The following TECTA variants were observed in gnomAD, a reference collection of about 807,000 sequenced individuals.
The protein encoded by TECTA is tectorin alpha.
TECTA carries 128 observed loss-of-function variants against 216.8 expected under a neutral mutation model. The ratio of observed to expected loss-of-function variants is 0.59; its 90% confidence interval spans 0.51 to 0.68. The LOEUF (loss-of-function observed/expected upper bound fraction) is 0.68, where lower values mean the gene tolerates loss of function less well. TECTA is among the 30% of genes least tolerant of loss of function. The pLI, the probability that TECTA is intolerant of heterozygous loss-of-function variation, is 0.00. For missense variants in TECTA, 2,551 were observed against 2,786.2 expected, an observed-to-expected ratio of 0.92 and a Z score of 1.90; for synonymous variants, 1,089 against 1,117.1, an observed-to-expected ratio of 0.97 and a Z score of 0.50.
At chr11:121,190,560 C>T in intron 23 of TECTA, 146 bp from the exon 24 acceptor site, 1 of 665,490 alleles carries the variant, frequency 1.5e-6, no homozygotes, top group Non-Finnish European at 2.7e-6. Context: ...AATTCTGCTA[C>T]TTTGCTGCCT....
intron 20 of TECTA, among the ~76,000 whole-genome samples, chr11:121,169,959 C>T (rs1189170082): frequency 1.3e-5 from 2 of 152,150 alleles, no homozygotes; most frequent in Non-Finnish European, 2.9e-5. Context: ...AGAACTTATT[C>T]CTTTTATCTA....
intron 6 of TECTA, 130 bp from the exon 7 acceptor site, chr11:121,118,176 G>A (rs961439063): frequency 1.7e-6 from 2 of 1,191,592 alleles, no homozygotes; most frequent in Non-Finnish European, 2.4e-6. Flanking sequence ...TCAAATGAGG[G>A]TGACCATACC....
rs1400583047 is a variant in TECTA at position 121,118,284 on chromosome 11, C to T, written c.791-22C>T. On this transcript the variant is annotated intron_variant, in intron 6 of 23. Transcript: ENST00000392793. ...AGGGGAAATGCTCAGTAAATGTTGG[C>T]TCTAATGTCATTATTCCCCAGGACA... is the stretch of plus-strand genomic sequence containing the variant. The T allele has an allele frequency of 3.7e-6, 6 of 1,613,844 alleles. No homozygotes were observed. The East Asian group carries it at 1.1e-4, about 30-fold the overall frequency.
intron 11 of TECTA, 32 bp from the exon 12 acceptor site, chr11:121,145,523 T>G: frequency 6.2e-7 from 1 of 1,610,948 alleles, no homozygotes; most frequent in Non-Finnish European, 8.5e-7. Context: ...CTGGGCCAAC[T>G]GTGTTTCTCC....
Position 121,125,815 on chromosome 11 carries a change from C to G in TECTA, c.1717C>G (p.Leu573Val), listed in dbSNP as rs187272498. The change falls in exon 8 of 24, where the codon CTT (leucine) becomes GTT (valine). Residue 573 changes from leucine (L) to valine (V), a missense_variant. Leu to Val is a conservative substitution (Grantham distance 32). Transcript: ENST00000392793. ...CTGCCAAGCCATCCAGGCCTATGCT[C>G]TTGTGTGCCAAGCCCTTGGCATTCC... is the stretch of plus-strand genomic sequence containing the variant. ...LLCQAIQAYALVCQALGIPIG... is the reference protein window; with the variant it reads ...LLCQAIQAYAVVCQALGIPIG... 20 of 1,613,776 alleles carry G rather than the reference C, an allele frequency of 1.2e-5. No individual in the cohort carries two copies. The Admixed American group carries it at 3.3e-4, about 27-fold the overall frequency.
In TECTA at chr11:121,137,839, C is replaced by A. The variant is rs1186729393; in HGVS notation, c.3360C>A (p.Thr1120=). 1.4e-5 allele frequency: 23 copies of A among 1,609,712 alleles called. No individual in the cohort carries two copies. The highest frequency in any genetic ancestry group is 1.9e-5 in the Non-Finnish European group (22 of 1,176,492). Residue 1120 remains threonine, a synonymous_variant, in exon 11 of 24, where the codon ACC becomes ACA. Coordinates refer to ENST00000392793, the MANE Select transcript of TECTA (RefSeq NM_005422.4). ...ATGGCTTCCCCTTTGACTTCCAGAC[C>A]AGCTGCCCACTCATCCTGTGCACCA... ...TFDGFPFDFQ[T]SCPLILCTTG...
intron 11 of TECTA, among the ~76,000 whole-genome samples, chr11:121,143,771 C>A (rs143217888): frequency 1.3e-5 from 2 of 152,294 alleles, no homozygotes; most frequent in African/African-American, 4.8e-5. Flanking sequence ...TCAAGGGCAT[C>A]CCTGTTGTCT....
intron 13 of TECTA, among the ~76,000 whole-genome samples, chr11:121,157,547 C>T (rs568481828): frequency 6.6e-6 from 1 of 152,206 alleles, no homozygotes; most frequent in African/African-American, 2.4e-5. Flanking sequence ...CAGTGATCTG[C>T]GATTGCACTA....
At chr11:121,147,593 T>G (rs755488625) in intron 12 of TECTA, among the ~76,000 whole-genome samples, 2 of 152,214 alleles carry the variant, frequency 1.3e-5, no homozygotes, top group Non-Finnish European at 2.9e-5. Flanking sequence ...CCAGGGCTAC[T>G]CTGGATTCAT....
chr11:121,136,019 C>T (rs1326255545), intron 10 of TECTA, among the ~76,000 whole-genome samples: 3 of 151,516 alleles, frequency 2.0e-5, no homozygotes, highest in Non-Finnish European at 4.4e-5. Flanking sequence ...AGTACAGTGG[C>T]GCAATCTCTG....
intron 23 of TECTA, among the ~76,000 whole-genome samples, chr11:121,190,471 G>A (rs1947330493): frequency 6.6e-6 from 1 of 152,140 alleles, no homozygotes; most frequent in Non-Finnish European, 1.5e-5. Context: ...CACCATATTG[G>A]CCAGGCTGGT....
intron 20 of TECTA, among the ~76,000 whole-genome samples, chr11:121,180,005 C>T (rs1376793278): frequency 2.1e-5 from 3 of 145,236 alleles, no homozygotes; most frequent in Non-Finnish European, 4.5e-5. Context: ...TTCAACCAGT[C>T]TGTATCTTTT....
chr11:121,168,463 G>A (rs1391693576), intron 19 of TECTA: 21 of 858,426 alleles, frequency 2.4e-5, no homozygotes, highest in South Asian at 2.1e-4. Context: ...TGGCTCAGGG[G>A]GCTGCGGAAT....
In TECTA at chr11:121,165,255, G is replaced by T; in HGVS notation, c.5273-18G>T. ...TGAAAATGAAGTTGTGCATGTTTCT[G>T]TGTGTTTTTCTTTTTAGCAGGAGTG... On this transcript the variant is annotated intron_variant, in intron 16 of 23. Coordinates refer to ENST00000392793, the MANE Select transcript of TECTA (RefSeq NM_005422.4). The T allele has an allele frequency of 6.3e-7, 1 of 1,582,082 alleles. No homozygotes were observed. The highest frequency in any genetic ancestry group is 8.6e-7 in the Non-Finnish European group (1 of 1,162,596).
intron 4 of TECTA, 101 bp downstream of exon 4, chr11:121,109,599 G>A (rs905175511): frequency 2.1e-6 from 3 of 1,436,464 alleles, no homozygotes; most frequent in African/African-American, 2.8e-5. Flanking sequence ...GCTAAGGAGT[G>A]TCAGTTCCCT....
chr11:121,106,288 C>T (rs1254549562), intron 3 of TECTA, among the ~76,000 whole-genome samples: 3 of 152,148 alleles, frequency 2.0e-5, no homozygotes, highest in Non-Finnish European at 4.4e-5. Flanking sequence ...TACAATGAAC[C>T]ACAGTAGGAG....
At position 121,113,237 on chromosome 11, in the gene TECTA, C is replaced by T. The variant is rs764972893; in HGVS notation, c.624+28C>T. On this transcript the variant is annotated intron_variant, in intron 5 of 23. Coordinates refer to ENST00000392793, the MANE Select transcript of TECTA (RefSeq NM_005422.4). This position sits in a 1 kb window ranked among gnomAD's most constrained non-coding sequence, Gnocchi z 4.2. The stretch of plus-strand genomic sequence containing the variant: ...AGGTGGCTCTCCACTTCATCCCCCG[C>T]GTGTTTCCGTCGCTGCACTCTCTGC... The T allele has an allele frequency of 2.5e-6, 4 of 1,613,626 alleles. No homozygotes were observed. Among genetic ancestry groups the T allele is most frequent in the East Asian group, 2.2e-5 (1 of 44,884 alleles).
intron 10 of TECTA, among the ~76,000 whole-genome samples, chr11:121,136,365 G>A (rs1198224650): frequency 2.0e-5 from 3 of 152,104 alleles, no homozygotes; most frequent in Non-Finnish European, 4.4e-5. Flanking sequence ...GGCTGTCCAG[G>A]AAGGGGAAAG....
chr11:121,137,163 T>C (rs896255286), intron 10 of TECTA, among the ~76,000 whole-genome samples: 4 of 152,008 alleles, frequency 2.6e-5, no homozygotes, highest in East Asian at 3.9e-4. Flanking sequence ...CACACTCGCA[T>C]GCACAGATGT....
Sources: gnomAD v4.1 joint callset for allele counts (sites outside exome capture counted in the v4.1 genomes callset) on GRCh38, gnomAD v4.1.1 for gene constraint, Gnocchi (gnomAD v3.1) non-coding constraint, MANE v1.5 for transcripts, NCBI Gene and HGNC (gene_info 2026-07-23, HGNC 2026-07-21) for gene names.